MXRA7: variants seen among roughly 807,000 people sequenced by gnomAD.
MXRA7 encodes the protein matrix remodeling associated 7.
A neutral mutation model predicts 17.4 loss-of-function variants in MXRA7; 18 were observed. The observed-to-expected ratio is 1.03, with a 90% CI of 0.71 to 1.53. The LOEUF is 1.53. Among genes scored for constraint, MXRA7 ranks in the 40% most tolerant of loss-of-function variants. The pLI is 0.00. For synonymous variants in MXRA7, 70 were observed against 101.7 expected (o/e 0.69, Z 1.87); for missense variants, 141 against 209.3 (o/e 0.67, Z 2.01).
rs538888196 is a variant in MXRA7, at chr17:76,697,760, C to T, written c.343-9584G>A. On this transcript the variant is annotated intron_variant, in intron 1 of 3. Coordinates refer to ENST00000449428, the MANE Select transcript of MXRA7 (RefSeq NM_198530.4). ...GCCCCGGAGGCCAAGCTGAGGGGCC[C>T]GGCCAGGCTGCAGTAGCTGGGAGAC... 5.3e-5 allele frequency among the ~76,000 whole-genome samples: 8 copies of T among 152,280 alleles called. No individual in the cohort carries two copies. In the South Asian group the frequency reaches 8.3e-4, roughly 16 times the overall value.
At chr17:76,704,200 A>ATT (rs1162372827) in intron 1 of MXRA7, among the ~76,000 whole-genome samples, 1,643 of 63,426 alleles carry the variant, frequency 0.026, 110 homozygotes, top group African/African-American at 0.068. Flanking sequence ...CTTCCTTCAG[A>ATT]TTTTTTTTTT....
chr17:76,683,903 A>C (rs2076348324), intron 3 of MXRA7: 3 of 1,614,110 alleles, frequency 1.9e-6, no homozygotes, highest in Non-Finnish European at 2.5e-6. Flanking sequence ...GCTACAGGGA[A>C]GTGAGGTCAG....
intron 1 of MXRA7, among the ~76,000 whole-genome samples, chr17:76,706,672 C>T (rs2076665459): frequency 7.1e-6 from 1 of 140,402 alleles, no homozygotes; most frequent in African/African-American, 2.5e-5. Context: ...GAACCAGGGC[C>T]AAGTCACATG....
At chr17:76,684,159 G>A (rs977883410) in intron 3 of MXRA7, among the ~76,000 whole-genome samples, 2 of 152,188 alleles carry the variant, frequency 1.3e-5, no homozygotes, top group African/African-American at 4.8e-5. Flanking sequence ...AGGGCTGCCC[G>A]GCGGGTGGCT....
intron 1 of MXRA7, among the ~76,000 whole-genome samples, chr17:76,708,132 A>G (rs2076681790): frequency 6.6e-6 from 1 of 152,212 alleles, no homozygotes; most frequent in Admixed American, 6.5e-5. Context: ...GGCACCGTGC[A>G]CTAGGGGACG....
intron 2 of MXRA7, among the ~76,000 whole-genome samples, chr17:76,687,003 G>A (rs989201560): frequency 2.6e-5 from 4 of 152,290 alleles, no homozygotes; most frequent in Admixed American, 6.5e-5. Flanking sequence ...AGGGGTCTGC[G>A]AGCCTCTCTC....
At chr17:76,698,358 A>G (rs1282459510) in intron 1 of MXRA7, among the ~76,000 whole-genome samples, 2 of 142,854 alleles carry the variant, frequency 1.4e-5, no homozygotes, top group Non-Finnish European at 3.0e-5. Flanking sequence ...ATCTTTTGCA[A>G]TGGGCGGGGG....
intron 1 of MXRA7, among the ~76,000 whole-genome samples, chr17:76,705,845 A>G (rs1181758673): frequency 1.3e-5 from 2 of 152,242 alleles, no homozygotes; most frequent in African/African-American, 4.8e-5. Flanking sequence ...AGTCTGTGGT[A>G]TTTTGATATA....
downstream of MXRA7, among the ~76,000 whole-genome samples, chr17:76,678,246 AG>A (rs1279953366): frequency 6.6e-6 from 1 of 152,186 alleles, no homozygotes; most frequent in Non-Finnish European, 1.5e-5. Context: ...GGCCAGAGAA[AG>A]GGGGGTGCCT....
intron 2 of MXRA7, 147 bp downstream of exon 2, chr17:76,687,966 G>C: frequency 1.2e-6 from 1 of 810,526 alleles, no homozygotes; most frequent in Non-Finnish European, 1.9e-6. Context: ...CATGGCGCCA[G>C]ACTCTACCTC....
chr17:76,676,099 T>C (rs1322150629), downstream of MXRA7: 1 of 152,186 alleles, frequency 6.6e-6, no homozygotes, highest in Admixed American at 6.5e-5. Flanking sequence ...TCCCCATCAT[T>C]GTATGTTCAC....
At chr17:76,683,659 C>G (rs963096206) in intron 3 of MXRA7, among the ~76,000 whole-genome samples, 1 of 152,246 alleles carries the variant, frequency 6.6e-6, no homozygotes. Flanking sequence ...CCTCTGCCCC[C>G]AGACGGGGCC....
intron 1 of MXRA7, among the ~76,000 whole-genome samples, chr17:76,693,407 A>G (rs1216691809): frequency 1.3e-5 from 2 of 149,416 alleles, no homozygotes; most frequent in African/African-American, 4.9e-5. Flanking sequence ...GGAAGTTGCA[A>G]TGAGCTGAGA....
chr17:76,705,083 T>G (rs11868472), intron 1 of MXRA7, among the ~76,000 whole-genome samples: 66,282 of 152,032 alleles, frequency 0.44, 14,649 homozygotes, highest in Non-Finnish European at 0.46. Context: ...CACCATTTCA[T>G]TTCTAGCTCT....
chr17:76,694,510 T>C (rs1007718963), intron 1 of MXRA7, among the ~76,000 whole-genome samples: 1 of 152,182 alleles, frequency 6.6e-6, no homozygotes, highest in Non-Finnish European at 1.5e-5. Context: ...CTACTGGAAA[T>C]AACATCCTCA....
At chr17:76,695,425 A>C (rs536567490) in intron 1 of MXRA7, among the ~76,000 whole-genome samples, 1 of 151,884 alleles carries the variant, frequency 6.6e-6, no homozygotes, top group Non-Finnish European at 1.5e-5. Context: ...GAAATACCAG[A>C]GCTCCATCGT....
intron 1 of MXRA7, among the ~76,000 whole-genome samples, chr17:76,692,656 G>A (rs553148552): frequency 1.7e-4 from 25 of 146,706 alleles, no homozygotes; most frequent in East Asian, 5.9e-4. Flanking sequence ...AAAAATGGGC[G>A]ACCAAAGTCT....
downstream of MXRA7, chr17:76,676,022 A>C (rs2076238357): frequency 6.6e-6 from 1 of 152,228 alleles, no homozygotes; most frequent in East Asian, 1.9e-4. Flanking sequence ...AGTTTGCTCA[A>C]GAACTGTGAA....
At chr17:76,674,968 G>A (rs1365278490), downstream of MXRA7, 1 of 152,228 alleles carries the variant, frequency 6.6e-6, no homozygotes, top group Non-Finnish European at 1.5e-5. Context: ...CCCACAGTAC[G>A]AGGAAGACTG....
Sources: gnomAD v4.1 joint callset for allele counts (sites outside exome capture counted in the v4.1 genomes callset) on GRCh38, gnomAD v4.1.1 for gene constraint, MANE v1.5 for transcripts, NCBI Gene and HGNC (gene_info 2026-07-23, HGNC 2026-07-21) for gene names.